Variants in MEF2C observed in about 807,000 individuals in gnomAD.
MEF2C encodes myocyte-specific enhancer factor 2C.
In MEF2C, 6 loss-of-function variants were observed where a neutral mutation model predicts 50.5. The ratio of observed to expected loss-of-function variants is 0.12; its 90% CI spans 0.07 to 0.23. The LOEUF is 0.23. MEF2C is among the 10% of genes least tolerant of loss of function. The pLI is 1.00. For missense variants in MEF2C, 276 were observed against 605.0 expected (o/e 0.46, Z 5.70); for synonymous variants, 183 against 228.0 (o/e 0.80, Z 1.78).
At chr5:88,761,103 T>C (rs1280935108) in intron 4 of MEF2C, 82 bp downstream of exon 4, 1 of 1,613,910 alleles carries the variant, frequency 6.2e-7, no homozygotes, top group Non-Finnish European at 8.5e-7. Context: ...TTCACAGCCT[T>C]TGTTTTCTTT....
intron 1 of MEF2C, among the ~76,000 whole-genome samples, chr5:88,860,356 G>A (rs952297055): frequency 2.7e-5 from 4 of 150,164 alleles, no homozygotes; most frequent in African/African-American, 9.8e-5. Flanking sequence ...GTAGGTTTTT[G>A]GCAACCTTGT....
intron 3 of MEF2C, among the ~76,000 whole-genome samples, chr5:88,801,837 C>G (rs755769322): frequency 6.6e-6 from 1 of 152,092 alleles, no homozygotes; most frequent in Non-Finnish European, 1.5e-5. Context: ...TCCCTCTTCA[C>G]CAAGTGTCTC....
rs577178890 is a variant in MEF2C at position 88,728,777 on chromosome 5, G to A, written c.965-149C>T. On this transcript the variant is annotated intron_variant, in intron 9 of 10. Transcript: ENST00000504921. ...TAATTTTGAGGGGAGGGGAGATAAA[G>A]CATCAGCGATAATTCTAATTTAAAA... is the stretch of plus-strand genomic sequence containing the variant. The A allele has an allele frequency of 1.3e-5, 7 of 557,144 alleles. No individual in the cohort carries two copies. In the South Asian group the frequency reaches 2.6e-4, roughly 21 times the overall value. 34.5% of individuals were successfully genotyped at this position (557,144 alleles called of 1,614,324 possible). A position where few individuals can be genotyped will look rare whatever the true frequency, so the allele number is the denominator to read the frequency against.
In MEF2C at chr5:88,731,865, A is replaced by G; in HGVS notation, c.674T>C (p.Leu225Pro). Residue 225 changes from leucine to proline, a missense_variant, in exon 7 of 11, where the codon CTG becomes CCG. By Grantham distance (98) the Leu-to-Pro change is moderately conservative. This residue lies in a region of MEF2C where 256 missense variants were observed against 468.1 expected (regional missense o/e 0.55). Coordinates refer to ENST00000504921, the MANE Select transcript of MEF2C (RefSeq NM_002397.5). ...GTTCAAGTTACCAGGTGAGACCAGC[A>G]GACCTGGTGAGTTTCGGGGATTGCC... ...GYGNPRNSPGLLVSPGNLNKN... is the reference protein window; with the variant it reads ...GYGNPRNSPGPLVSPGNLNKN... 1 of 1,613,170 alleles carries G rather than the reference A, an allele frequency of 6.2e-7. No individual in the cohort carries two copies. The highest frequency in any genetic ancestry group is 8.5e-7 in the Non-Finnish European group (1 of 1,179,420).
rs946832431 is a variant in MEF2C, at chr5:88,742,293, A to G, written c.637+6777T>C. On this transcript the variant is annotated intron_variant, in intron 6 of 10. Coordinates refer to ENST00000504921, the MANE Select transcript of MEF2C (RefSeq NM_002397.5). ...ATAAAATCTTATCATGATGCCAAAGATAGGGAAGAGGAACCTAATAGGTGT... is the reference window on the plus strand; with the variant it reads ...ATAAAATCTTATCATGATGCCAAAGGTAGGGAAGAGGAACCTAATAGGTGT... The G allele has an allele frequency of 1.1e-5, 11 of 985,272 alleles. No individual in the cohort carries two copies. The African/African-American group carries it at 1.7e-4, about 16-fold the overall frequency. 61.0% of individuals were successfully genotyped at this position (985,272 alleles called of 1,614,324 possible). A position where few individuals can be genotyped will look rare whatever the true frequency, so the allele number is the denominator to read the frequency against.
intron 3 of MEF2C, among the ~76,000 whole-genome samples, chr5:88,800,703 T>C (rs1797993250): frequency 6.6e-6 from 1 of 152,224 alleles, no homozygotes; most frequent in Non-Finnish European, 1.5e-5. Context: ...GAACTGAATT[T>C]CAACAGTCTG....
At chr5:88,756,006 T>C (rs891446269) in intron 4 of MEF2C, among the ~76,000 whole-genome samples, 1 of 152,234 alleles carries the variant, frequency 6.6e-6, no homozygotes, top group Non-Finnish European at 1.5e-5. Context: ...ATAATGATTA[T>C]TATAAAACTA....
At chr5:88,746,463 G>A in intron 6 of MEF2C, 4 of 931,348 alleles carry the variant, frequency 4.3e-6, no homozygotes, top group Non-Finnish European at 5.1e-6. Flanking sequence ...TTTTAACAAA[G>A]TGAGATGACT....
intron 1 of MEF2C, among the ~76,000 whole-genome samples, chr5:88,838,254 ATT>A (rs1453708105): frequency 6.6e-6 from 1 of 152,138 alleles, no homozygotes; most frequent in Non-Finnish European, 1.5e-5. Flanking sequence ...CTCATCTCAC[ATT>A]TTCTTATTCT....
chr5:88,825,265 A>AT lies in MEF2C; in HGVS notation c.-142-1336dup, dbSNP rs34835022. Among the ~76,000 whole-genome samples, 1,240 of 142,508 alleles carry AT rather than the reference A, an allele frequency of 8.7e-3. 9 individuals carry two copies. The highest frequency in any genetic ancestry group is 0.021 in the African/African-American group (816 of 39,030). 93.5% of individuals were successfully genotyped at this position (142,508 alleles called of 152,430 possible). A position where few individuals can be genotyped will look rare whatever the true frequency, so the allele number is the denominator to read the frequency against. ...TTCCAAATTCTTTATCACCTTGGGT[A>AT]TTTTTTTTTTTTTTAGTTTTTGGTG... is the stretch of plus-strand genomic sequence containing the variant. On this transcript the variant is annotated intron_variant, in intron 1 of 10. Transcript: ENST00000504921.
intron 6 of MEF2C, chr5:88,741,933 T>C: frequency 3.0e-6 from 3 of 985,162 alleles, no homozygotes; most frequent in Non-Finnish European, 3.6e-6. Context: ...AGGTTCTTGG[T>C]ATAATACTTA....
At chr5:88,748,020 T>C (rs1581687285) in intron 6 of MEF2C, 2 of 976,244 alleles carry the variant, frequency 2.0e-6, no homozygotes, top group South Asian at 4.7e-5. Context: ...AGGAAGCTAG[T>C]GTTATTCATC....
chr5:88,767,636 A>G (rs1292917191), intron 3 of MEF2C, among the ~76,000 whole-genome samples: 13 of 152,128 alleles, frequency 8.5e-5, no homozygotes, highest in Non-Finnish European at 1.5e-5. Flanking sequence ...TCTACTGGGG[A>G]AGGGGTGGAT....
intron 1 of MEF2C, among the ~76,000 whole-genome samples, chr5:88,867,162 G>A (rs556893180): frequency 3.9e-5 from 6 of 152,234 alleles, no homozygotes; most frequent in African/African-American, 1.4e-4. Context: ...TATATCACAG[G>A]CCAAGAATTA....
At chr5:88,869,304 T>TATATATAC (rs2149818451) in intron 1 of MEF2C, among the ~76,000 whole-genome samples, 1 of 116,560 alleles carries the variant, frequency 8.6e-6, no homozygotes, top group South Asian at 2.6e-4. Context: ...TACACATATA[T>TATATATAC]ATATATATAT....
At position 88,792,806 on chromosome 5, in the gene MEF2C, T is replaced by G. The variant is rs753673112; in HGVS notation, c.258+11792A>C. Among the ~76,000 whole-genome samples the G allele has an allele frequency of 2.1e-3, 320 of 152,336 alleles. 3 individuals carry two copies. Among genetic ancestry groups the G allele is most frequent in the Non-Finnish European group, 2.2e-3 (152 of 68,034 alleles). ...AGAGTATGGACCTAGATTACTTGAG[T>G]GTTTTTAAATTGTGCTTTGATAAAC... On this transcript the variant is annotated intron_variant, in intron 3 of 10. Transcript: ENST00000504921.
At chr5:88,760,580 G>T (rs1777397658) in intron 4 of MEF2C, among the ~76,000 whole-genome samples, 1 of 152,196 alleles carries the variant, frequency 6.6e-6, no homozygotes, top group Non-Finnish European at 1.5e-5. Flanking sequence ...TGAAAGAATT[G>T]CTGACCCACT....
chr5:88,871,820 C>T (rs564008260), intron 1 of MEF2C, among the ~76,000 whole-genome samples: 1 of 151,792 alleles, frequency 6.6e-6, no homozygotes, highest in South Asian at 2.1e-4. Flanking sequence ...AATAAAAATA[C>T]CCAAATTAAG....
intron 6 of MEF2C, among the ~76,000 whole-genome samples, chr5:88,744,578 G>A (rs1388412350): frequency 6.6e-6 from 1 of 152,140 alleles, no homozygotes; most frequent in Non-Finnish European, 1.5e-5. Flanking sequence ...ATAGAGTTAT[G>A]ACAAAATGTT....
Sources: allele counts gnomAD v4.1 joint callset (sites outside exome capture counted in the v4.1 genomes callset), GRCh38; gene constraint gnomAD v4.1.1; regional missense constraint gnomAD v4.1.1; transcripts MANE v1.5; gene names NCBI Gene and HGNC (gene_info 2026-07-23, HGNC 2026-07-21).